SETBP1: variants seen among roughly 807,000 people sequenced by gnomAD.
SETBP1 encodes the protein SET-binding protein.
SETBP1 carries 9 observed loss-of-function variants against 101.0 expected under a neutral mutation model. The ratio of observed to expected loss-of-function variants is 0.09; its 90% CI spans 0.05 to 0.16. The LOEUF (loss-of-function observed/expected upper bound fraction) is 0.16. Among genes scored for constraint, SETBP1 ranks in the 10% least tolerant of loss-of-function variants. SETBP1 has a pLI of 1.00. For synonymous variants in SETBP1, 818 were observed against 788.5 expected, an observed-to-expected ratio of 1.04 and a Z score of -0.63; for missense variants, 1,858 against 2,033.8, an observed-to-expected ratio of 0.91 and a Z score of 1.66.
At position 45,063,606 on chromosome 18, in the gene SETBP1, T is replaced by C. The variant is rs2145596229; in HGVS notation, c.4699T>C (p.Ser1567Pro). Residue 1567 changes from serine to proline, a missense_variant, in exon 6 of 6, where the codon TCG (serine) becomes CCG (proline). Around this residue, in one of 12 missense-constraint regions of SETBP1, gnomAD observed 178 missense variants for 189.1 expected, o/e 0.94. Coordinates refer to ENST00000649279, the MANE Select transcript of SETBP1 (RefSeq NM_015559.3). ...PQAPAQPPQQ[S>P]PPQQPLPQEE... ...GGCCCCCGCTCAGCCCCCACAGCAG[T>C]CGCCCCCGCAGCAGCCCCTTCCCCA... 1 of 1,562,498 alleles carries C rather than the reference T, an allele frequency of 6.4e-7. No individual in the cohort carries two copies. Among genetic ancestry groups the C allele is most frequent in the Admixed American group, 1.8e-5 (1 of 56,306 alleles).
chr18:44,773,763 C>T (rs1018014744), intron 2 of SETBP1, among the ~76,000 whole-genome samples: 2 of 149,964 alleles, frequency 1.3e-5, no homozygotes, highest in African/African-American at 4.9e-5. Flanking sequence ...TAGGTTCATA[C>T]CTTAGGTTCC....
intron 4 of SETBP1, among the ~76,000 whole-genome samples, chr18:44,995,508 A>G (rs2072475708): frequency 6.7e-6 from 1 of 149,170 alleles, no homozygotes; most frequent in African/African-American, 2.5e-5. Context: ...CCACATTTTT[A>G]AAATGTACAT....
intron 2 of SETBP1, among the ~76,000 whole-genome samples, chr18:44,819,018 A>G (rs560438340): frequency 6.6e-6 from 1 of 152,034 alleles, no homozygotes; most frequent in East Asian, 2.0e-4. Context: ...GTATACACAC[A>G]CATTTACTTT....
At chr18:45,022,850 A>G (rs1276525000) in intron 4 of SETBP1, among the ~76,000 whole-genome samples, 3 of 152,210 alleles carry the variant, frequency 2.0e-5, no homozygotes, top group Non-Finnish European at 4.4e-5. Flanking sequence ...AATAAGAATA[A>G]ATAAAATTAG....
chr18:44,746,989 A>G (rs1319303552), intron 2 of SETBP1, among the ~76,000 whole-genome samples: 2 of 152,226 alleles, frequency 1.3e-5, no homozygotes, highest in Admixed American at 6.5e-5. Flanking sequence ...ATGTTTTTAT[A>G]TAGTGTCTGA....
intron 3 of SETBP1, among the ~76,000 whole-genome samples, chr18:44,926,832 A>C (rs998021727): frequency 2.0e-4 from 31 of 152,186 alleles, no homozygotes; most frequent in Non-Finnish European, 3.4e-4. Context: ...AGCTAAGCAA[A>C]AGCTTCAGGT....
At chr18:45,062,979 A>T in intron 5 of SETBP1, 100 bp from the exon 6 acceptor site, 1 of 1,512,192 alleles carries the variant, frequency 6.6e-7, no homozygotes, top group Non-Finnish European at 9.1e-7. Context: ...AATTCTCTAT[A>T]ATCTTTATAG....
At chr18:45,031,921 A>G (rs746588454) in intron 4 of SETBP1, among the ~76,000 whole-genome samples, 3 of 152,198 alleles carry the variant, frequency 2.0e-5, no homozygotes, top group Non-Finnish European at 2.9e-5. Context: ...CTTTCCAGGC[A>G]TAGCTCAGTA....
chr18:44,853,363 A>C (rs928829208), intron 2 of SETBP1, among the ~76,000 whole-genome samples: 6 of 152,094 alleles, frequency 3.9e-5, no homozygotes, highest in African/African-American at 1.2e-4. Flanking sequence ...TGATGATCTC[A>C]TTTTAGTGGT....
chr18:44,927,939 A>G (rs1329727513), intron 3 of SETBP1, among the ~76,000 whole-genome samples: 4 of 152,118 alleles, frequency 2.6e-5, no homozygotes, highest in Admixed American at 2.0e-4. Context: ...GACATTATAT[A>G]TATAATTATA....
In SETBP1 at chr18:44,952,763, T is replaced by A; in HGVS notation, c.3423T>A (p.Ser1141Arg). The change falls in exon 4 of 6, where the codon AGT (serine) becomes AGA (arginine). Residue 1141 changes from serine (S) to arginine (R), a missense_variant. Physicochemically the swap from Ser to Arg is moderately radical, Grantham distance 110. This residue lies in a region of SETBP1 where 417 missense variants were observed against 389.1 expected (regional missense o/e 1.07). Transcript: ENST00000649279. Reference protein sequence around the residue: ...SLNPPKVGSASLSSGRLHKRK... With the variant: ...SLNPPKVGSARLSSGRLHKRK... ...ACCCTCCCAAGGTAGGCAGTGCCAG[T>A]CTGTCCAGTGGTCGGCTCCATAAGA... 6.2e-7 allele frequency: 1 copy of A among 1,614,090 alleles called. No individual in the cohort carries two copies. The highest frequency in any genetic ancestry group is 8.5e-7 in the Non-Finnish European group (1 of 1,180,016).
chr18:45,034,844 CA>C (rs1326376583), intron 4 of SETBP1, among the ~76,000 whole-genome samples: 1 of 152,152 alleles, frequency 6.6e-6, no homozygotes, highest in African/African-American at 2.4e-5. Context: ...CGTGGCATTA[CA>C]GATTGTCTCT....
At chr18:44,777,966 A>G (rs998521834) in intron 2 of SETBP1, among the ~76,000 whole-genome samples, 2 of 152,128 alleles carry the variant, frequency 1.3e-5, no homozygotes, top group Non-Finnish European at 2.9e-5. Context: ...TACAATCTCT[A>G]AGCAAATTTC....
chr18:44,979,403 A>G (rs960217103), intron 4 of SETBP1, among the ~76,000 whole-genome samples: 23 of 152,222 alleles, frequency 1.5e-4, no homozygotes, highest in Non-Finnish European at 2.4e-4. Flanking sequence ...GGCTGTATCC[A>G]TATAACATTT....
intron 2 of SETBP1, among the ~76,000 whole-genome samples, chr18:44,713,557 A>G (rs2069392757): frequency 6.6e-6 from 1 of 152,166 alleles, no homozygotes; most frequent in African/African-American, 2.4e-5. Flanking sequence ...CTCACAGAAT[A>G]GAGTACAATA....
At chr18:44,869,088 GA>G (rs2069208058) in intron 2 of SETBP1, 141 bp from the exon 3 acceptor site, 2 of 747,798 alleles carry the variant, frequency 2.7e-6, no homozygotes, top group Non-Finnish European at 4.7e-6. Flanking sequence ...TCCCAGTCCA[GA>G]AATCTCACAT....
At chr18:44,764,617 G>T (rs2070728726) in intron 2 of SETBP1, among the ~76,000 whole-genome samples, 1 of 152,002 alleles carries the variant, frequency 6.6e-6, no homozygotes, top group East Asian at 1.9e-4. Context: ...GGACTTACAG[G>T]CACCTGCCAC....
chr18:44,718,441 G>T (rs1343974587), intron 2 of SETBP1, among the ~76,000 whole-genome samples: 1 of 151,958 alleles, frequency 6.6e-6, no homozygotes, highest in Non-Finnish European at 1.5e-5. Context: ...AGAACAGTGG[G>T]CTCTACTGAG....
chr18:44,782,148 G>A (rs1462068966), intron 2 of SETBP1, among the ~76,000 whole-genome samples: 2 of 152,140 alleles, frequency 1.3e-5, no homozygotes, highest in African/African-American at 4.8e-5. Context: ...CTTCCAGCAG[G>A]ACATGGGTAG....
Sources: gnomAD v4.1 joint callset for allele counts (sites outside exome capture counted in the v4.1 genomes callset) on GRCh38, gnomAD v4.1.1 for gene constraint, gnomAD v4.1.1 regional missense constraint, MANE v1.5 for transcripts, NCBI Gene and HGNC (gene_info 2026-07-23, HGNC 2026-07-21) for gene names.